The following ANAPC1 variants were observed in gnomAD, a reference collection of about 807,000 sequenced individuals.
ANAPC1 encodes the protein anaphase-promoting complex subunit 1.
In ANAPC1, 36 loss-of-function variants were observed where a neutral mutation model predicts 208.0. The observed-to-expected ratio is 0.17, with a 90% CI of 0.13 to 0.23. ANAPC1 has a LOEUF of 0.23. Ranked by LOEUF, ANAPC1 falls within the 10% of genes least tolerant of loss-of-function variation. The pLI is 1.00. For synonymous variants in ANAPC1, 378 were observed against 695.2 expected, an observed-to-expected ratio of 0.54 and a Z score of 7.18; for missense variants, 942 against 2,011.6, an observed-to-expected ratio of 0.47 and a Z score of 10.17.
rs1683156385 is a variant in ANAPC1, at chr2:111,878,923, C to T, written c.262G>A (p.Asp88Asn). The T allele has an allele frequency of 6.3e-7, 1 of 1,587,604 alleles. No individual in the cohort carries two copies. The highest frequency in any genetic ancestry group is 8.5e-7 in the Non-Finnish European group (1 of 1,172,664). Residue 88 changes from aspartate to asparagine, a missense_variant, in exon 3 of 48, where the codon GAC becomes AAC. Transcript: ENST00000341068. ...KGVSEIGEDV[D>N]YDEELYVAGN... ...GCAACATAGAGTTCCTCATCATAGT[C>T]CACATCTTCTCCAATTTCACTTACT... is the stretch of plus-strand genomic sequence containing the variant.
chr2:111,782,010 C>T (rs1461829138), intron 43 of ANAPC1, among the ~76,000 whole-genome samples: 2 of 152,226 alleles, frequency 1.3e-5, no homozygotes, highest in East Asian at 3.8e-4. Context: ...GCTTGCAAAA[C>T]TCGTTTTCTA....
chr2:111,832,025 G>C (rs1680168794), intron 20 of ANAPC1, among the ~76,000 whole-genome samples: 1 of 146,410 alleles, frequency 6.8e-6, no homozygotes, highest in Non-Finnish European at 1.5e-5. Flanking sequence ...GGATGTGGTG[G>C]CTAACACCTG....
chr2:111,769,632 T>C (rs1427338727), intron 47 of ANAPC1, among the ~76,000 whole-genome samples: 1 of 151,988 alleles, frequency 6.6e-6, no homozygotes, highest in East Asian at 1.9e-4. Flanking sequence ...TTTTGGATTC[T>C]GGATTTTTTT....
chr2:111,862,568 G>A lies in ANAPC1; in HGVS notation c.1083C>T (p.His361=), dbSNP rs1338164494. Residue 361 remains histidine, a synonymous_variant, in exon 10 of 48, where the codon CAC becomes CAT. Transcript: ENST00000341068. ...TGAACCTTTGCACCCCTGAAAAAGA[G>A]TGCACTCCTAACGCAGGAGAATGAG... ...SRAHSPALGV[H]SFSGVQRFNI... The A allele has an allele frequency of 5.0e-6, 8 of 1,610,828 alleles. No individual in the cohort carries two copies. In the South Asian group the frequency reaches 8.8e-5, roughly 18 times the overall value.
At chr2:111,830,615 A>C (rs1242062279) in intron 21 of ANAPC1, among the ~76,000 whole-genome samples, 1 of 152,204 alleles carries the variant, frequency 6.6e-6, no homozygotes, top group Non-Finnish European at 1.5e-5. Flanking sequence ...CAAACCACAT[A>C]TCTGACAAAA....
intron 2 of ANAPC1, among the ~76,000 whole-genome samples, chr2:111,880,327 G>A (rs1034676164): frequency 7.9e-5 from 12 of 152,042 alleles, no homozygotes; most frequent in African/African-American, 2.4e-4. Context: ...AGCCAAGATC[G>A]CACCAGTGCA....
At chr2:111,843,658 T>C in intron 16 of ANAPC1, 59 bp from the exon 17 acceptor site, 1 of 1,447,650 alleles carries the variant, frequency 6.9e-7, no homozygotes, top group Non-Finnish European at 9.3e-7. Context: ...CTTTTCCCCT[T>C]TCAATCACCA....
At chr2:111,788,912 G>A (rs1344352290) in intron 38 of ANAPC1, among the ~76,000 whole-genome samples, 3 of 151,858 alleles carry the variant, frequency 2.0e-5, no homozygotes, top group African/African-American at 7.2e-5. Flanking sequence ...GCCGAGGCGG[G>A]CGGATCACGA....
At chr2:111,853,888 T>C (rs1053987343) in intron 13 of ANAPC1, among the ~76,000 whole-genome samples, 2 of 152,072 alleles carry the variant, frequency 1.3e-5, no homozygotes, top group Admixed American at 1.3e-4. Flanking sequence ...GGCTAATTTT[T>C]TGTACTTTTA....
At chr2:111,778,836 T>C (rs1677126626) in intron 44 of ANAPC1, 66 bp from the exon 45 acceptor site, 2 of 1,602,362 alleles carry the variant, frequency 1.2e-6, no homozygotes, top group Admixed American at 3.4e-5. Flanking sequence ...ACGAATTGTA[T>C]AGCACTACTA....
intron 7 of ANAPC1, among the ~76,000 whole-genome samples, chr2:111,867,074 T>C (rs1265558209): frequency 6.6e-6 from 1 of 152,052 alleles, no homozygotes; most frequent in African/African-American, 2.4e-5. Flanking sequence ...GTGGATCACC[T>C]GAGGTCAGGA....
intron 33 of ANAPC1, among the ~76,000 whole-genome samples, chr2:111,802,213 C>T (rs1380455830): frequency 6.6e-6 from 1 of 152,096 alleles, no homozygotes; most frequent in Non-Finnish European, 1.5e-5. Flanking sequence ...AAAAGGCTCT[C>T]TTGTAAAGAC....
chr2:111,863,878 T>C lies in ANAPC1; in HGVS notation c.849A>G (p.Leu283=). 6.2e-7 allele frequency: 1 copy of C among 1,607,380 alleles called. No individual in the cohort carries two copies. The highest frequency in any genetic ancestry group is 1.3e-5 in the African/African-American group (1 of 74,552). The change falls in exon 9 of 48, where the codon TTA becomes TTG. Residue 283 remains leucine, a synonymous_variant. Coordinates refer to ENST00000341068, the MANE Select transcript of ANAPC1 (RefSeq NM_022662.4). ...RVKSEEENVV[L]KFSEQGGTPQ... The stretch of plus-strand genomic sequence containing the variant: ...GGGTTCCCCCCTGTTCAGAGAACTT[T>C]AAAACAACATTCTCTTCCTTAAGTC...
chr2:111,836,432 G>C (rs984904863), intron 18 of ANAPC1, among the ~76,000 whole-genome samples: 2 of 151,358 alleles, frequency 1.3e-5, no homozygotes, highest in Non-Finnish European at 2.9e-5. Context: ...CTTGAGCCCA[G>C]GAGTTTGAGA....
At chr2:111,831,666 G>C (rs1451928387) in intron 20 of ANAPC1, among the ~76,000 whole-genome samples, 1 of 149,756 alleles carries the variant, frequency 6.7e-6, no homozygotes, top group African/African-American at 2.5e-5. Context: ...GTGAAACCCC[G>C]TCTCTACTAA....
chr2:111,831,139 A>G (rs1483425011), intron 21 of ANAPC1, 147 bp downstream of exon 21: 11 of 602,042 alleles, frequency 1.8e-5, no homozygotes, highest in Admixed American at 3.8e-5. Flanking sequence ...TAAATGTTCT[A>G]TATCCTCATT....
At chr2:111,785,908 T>G (rs1677521738) in intron 39 of ANAPC1, among the ~76,000 whole-genome samples, 1 of 151,722 alleles carries the variant, frequency 6.6e-6, no homozygotes, top group South Asian at 2.1e-4. Context: ...TCAATTCTTC[T>G]CAGACAGCAA....
chr2:111,771,605 TATATTTG>T (rs1676742759), intron 47 of ANAPC1, among the ~76,000 whole-genome samples: 1 of 151,846 alleles, frequency 6.6e-6, no homozygotes, highest in Non-Finnish European at 1.5e-5. Context: ...TTTTAGCTTT[TATATTTG>T]TTTTTGAGGG....
chr2:111,823,082 T>A (rs1679630153), intron 24 of ANAPC1, among the ~76,000 whole-genome samples: 2 of 138,604 alleles, frequency 1.4e-5, no homozygotes, highest in South Asian at 2.4e-4. Flanking sequence ...CGATCTTGGC[T>A]CACTGCAAGC....
Sources: allele counts gnomAD v4.1 joint callset (sites outside exome capture counted in the v4.1 genomes callset), GRCh38; gene constraint gnomAD v4.1.1; transcripts MANE v1.5; gene names NCBI Gene and HGNC (gene_info 2026-07-23, HGNC 2026-07-21).